EP300: variants seen among roughly 807,000 people sequenced by gnomAD.
EP300 encodes the protein EP300 lysine acetyltransferase, also known as histone acetyltransferase p300.
Under a neutral mutation model 264.0 loss-of-function variants are expected in EP300, and 31 were observed. That is an observed-to-expected ratio of 0.12 (90% CI 0.09 to 0.16). The LOEUF is 0.16. Among genes scored for constraint, EP300 ranks in the 10% least tolerant of loss-of-function variants. EP300 has a pLI of 1.00. For synonymous variants in EP300, 1,340 were observed against 1,045.4 expected, an observed-to-expected ratio of 1.28 and a Z score of -5.44; for missense variants, 2,766 against 3,052.9, an observed-to-expected ratio of 0.91 and a Z score of 2.21.
In EP300 at chr22:41,117,539, G is replaced by A. The variant is rs2145697040; in HGVS notation, c.447G>A (p.Gln149=). The change falls in exon 2 of 31, where the codon CAG becomes CAA. Residue 149 remains glutamine, a synonymous_variant. Coordinates refer to ENST00000263253, the MANE Select transcript of EP300 (RefSeq NM_001429.4). ...GTGGACCAAATCAGGGTCCTACGCA[G>A]TCAACAGGTATGATGAACAGTCCAG... is the stretch of plus-strand genomic sequence containing the variant. ...GTSGPNQGPT[Q]STGMMNSPVN... The A allele has an allele frequency of 6.2e-7, 1 of 1,614,238 alleles. No homozygotes were observed.
chr22:41,130,968 T>C (rs1300417646), intron 5 of EP300, among the ~76,000 whole-genome samples: 1 of 152,130 alleles, frequency 6.6e-6, no homozygotes, highest in Non-Finnish European at 1.5e-5. Context: ...GAATTGGGAA[T>C]AGAAAATAGA....
chr22:41,148,655 C>G (rs184110217), intron 12 of EP300, among the ~76,000 whole-genome samples: 165 of 152,250 alleles, frequency 1.1e-3, no homozygotes, highest in African/African-American at 3.9e-3. Flanking sequence ...TATTATGGGT[C>G]TTAGAATTTG....
intron 21 of EP300, 112 bp downstream of exon 21, chr22:41,162,891 A>T (rs1362822366): frequency 2.4e-6 from 2 of 846,580 alleles, no homozygotes; most frequent in Non-Finnish European, 4.1e-6. Context: ...GGCTAAATCT[A>T]CATAACATAC....
intron 8 of EP300, 98 bp from the exon 9 acceptor site, chr22:41,140,041 TA>T: frequency 1.2e-6 from 1 of 843,892 alleles, no homozygotes; most frequent in East Asian, 2.4e-5. Context: ...ACCTTGCCAT[TA>T]TTTTTTCTTT....
chr22:41,167,810 T>TTTTGG (rs2145761669), intron 23 of EP300, among the ~76,000 whole-genome samples: 1 of 60,314 alleles, frequency 1.7e-5, no homozygotes, highest in Non-Finnish European at 3.1e-5. Flanking sequence ...TTCTGTTTGT[T>TTTTGG]TTTGTTTTTT....
At chr22:41,160,811 C>T (rs1250171410) in intron 20 of EP300, 89 bp downstream of exon 20, 13 of 1,235,410 alleles carry the variant, frequency 1.1e-5, no homozygotes, top group Non-Finnish European at 1.2e-6. Context: ...TTAAGCTATG[C>T]TGTTGAATAT....
At chr22:41,167,428 G>A (rs905027525) in intron 23 of EP300, among the ~76,000 whole-genome samples, 1 of 151,598 alleles carries the variant, frequency 6.6e-6, no homozygotes, top group Non-Finnish European at 1.5e-5. Flanking sequence ...ATTTGATTTA[G>A]TTTTGGGGTG....
chr22:41,166,543 G>T, intron 22 of EP300, 56 bp from the exon 23 acceptor site: 1 of 1,399,136 alleles, frequency 7.1e-7, no homozygotes, highest in Non-Finnish European at 1.0e-6. Context: ...CTTTTTGTTA[G>T]TATAAATTCA....
rs2058960448 is a variant in EP300 at position 41,137,803 on chromosome 22, G to A, written c.1760+13G>A. On this transcript the variant is annotated intron_variant, in intron 8 of 30. Coordinates refer to ENST00000263253, the MANE Select transcript of EP300 (RefSeq NM_001429.4). ...TTGTTCACAAACTGTAAGTAAGATT[G>A]TGGACACGTCTCATTCGTAAAGAGA... The A allele has an allele frequency of 6.2e-7, 1 of 1,614,140 alleles. No homozygotes were observed. The highest frequency in any genetic ancestry group is 1.1e-5 in the South Asian group (1 of 91,076).
intron 1 of EP300, among the ~76,000 whole-genome samples, chr22:41,102,384 G>C (rs1017162814): frequency 6.6e-5 from 10 of 152,126 alleles, no homozygotes; most frequent in African/African-American, 2.2e-4. Flanking sequence ...GGATCTCACA[G>C]ATAGAGATAG....
chr22:41,115,341 C>T (rs1484439960), intron 1 of EP300, among the ~76,000 whole-genome samples: 2 of 152,114 alleles, frequency 1.3e-5, no homozygotes, highest in Admixed American at 6.5e-5. Context: ...AGACAATCAC[C>T]CTCCACCCAC....
At chr22:41,125,052 C>T (rs2058873178) in intron 2 of EP300, among the ~76,000 whole-genome samples, 1 of 151,612 alleles carries the variant, frequency 6.6e-6, no homozygotes, top group Non-Finnish European at 1.5e-5. Context: ...GATCCTCCTA[C>T]CTCAGCCTCC....
At chr22:41,170,653 CTTTTTTTTTTTT>C (rs35506286) in intron 27 of EP300, 82 bp downstream of exon 27, 11 of 391,658 alleles carry the variant, frequency 2.8e-5, no homozygotes, top group East Asian at 5.6e-5. Flanking sequence ...TGTCATTTAA[CTTTTTTTTTTTT>C]TTTTTTTTTT....
chr22:41,149,682 A>G (rs2059031856), intron 13 of EP300, 79 bp from the exon 14 acceptor site: 1 of 1,448,570 alleles, frequency 6.9e-7, no homozygotes. Context: ...TGTGTCCTAA[A>G]TTTATATATC....
intron 20 of EP300, among the ~76,000 whole-genome samples, chr22:41,162,288 C>G (rs2059112501): frequency 6.6e-6 from 1 of 152,056 alleles, no homozygotes; most frequent in South Asian, 2.1e-4. Context: ...TAACAGAAGT[C>G]CAAGTTGGTC....
Position 41,167,826 on chromosome 22 carries a change from G to GTTTTTTTTTTTTTTTTTTT in EP300, c.3875-616_3875-598dup, listed in dbSNP as rs1192332279. 9.6e-4 allele frequency among the ~76,000 whole-genome samples: 31 copies of GTTTTTTTTTTTTTTTTTTT among 32,184 alleles called. 1 individual carries two copies. Among genetic ancestry groups the GTTTTTTTTTTTTTTTTTTT allele is most frequent in the East Asian group, 4.7e-3 (3 of 636 alleles). 21.1% of individuals were successfully genotyped at this position (32,184 alleles called of 152,430 possible). On this transcript the variant is annotated intron_variant, in intron 23 of 30. Coordinates refer to ENST00000263253, the MANE Select transcript of EP300 (RefSeq NM_001429.4). ...TCTGTTTGTTTTTGTTTTTTTTTTT[G>GTTTTTTTTTTTTTTTTTTT]TTTTTTTTTTTTTTTTTTTTTTTTT...
chr22:41,157,477 G>A (rs2059083589), intron 18 of EP300, 69 bp downstream of exon 18: 4 of 1,387,400 alleles, frequency 2.9e-6, no homozygotes, highest in African/African-American at 2.9e-5. Flanking sequence ...TGGTGACTGG[G>A]ATAAGAGAAT....
At chr22:41,111,390 A>G (rs1480048313) in intron 1 of EP300, among the ~76,000 whole-genome samples, 1 of 152,204 alleles carries the variant, frequency 6.6e-6, no homozygotes, top group Non-Finnish European at 1.5e-5. Flanking sequence ...CACAATTTCC[A>G]GTTGTATGTA....
intron 23 of EP300, among the ~76,000 whole-genome samples, chr22:41,167,298 C>T (rs2059140073): frequency 6.6e-6 from 1 of 151,986 alleles, no homozygotes; most frequent in Admixed American, 6.5e-5. Context: ...TGCCCAACCC[C>T]TCAGTTCACA....
Sources: allele counts gnomAD v4.1 joint callset (sites outside exome capture counted in the v4.1 genomes callset), GRCh38; gene constraint gnomAD v4.1.1; transcripts MANE v1.5; gene names NCBI Gene and HGNC (gene_info 2026-07-23, HGNC 2026-07-21).